The following UNC79 variants were observed in gnomAD, a reference collection of about 807,000 sequenced individuals.
UNC79 encodes unc-79 subunit of NALCN channel complex, also known as protein unc-79 homolog.
UNC79 carries 37 observed loss-of-function variants against 283.1 expected under a neutral mutation model. That is an observed-to-expected ratio of 0.13 (90% CI 0.10 to 0.17). The LOEUF is 0.17. Ranked by LOEUF, UNC79 falls within the 10% of genes least tolerant of loss-of-function variation. The probability of loss-of-function intolerance (pLI) is 1.00; values close to 1 mark genes in which losing one functional copy is unlikely to be tolerated. For synonymous variants in UNC79, 1,107 were observed against 1,200.2 expected, an observed-to-expected ratio of 0.92 and a Z score of 1.61; for missense variants, 2,272 against 3,211.1, an observed-to-expected ratio of 0.71 and a Z score of 7.07.
At chr14:93,505,599 C>G (rs74545561) in intron 7 of UNC79, among the ~76,000 whole-genome samples, 7 of 151,984 alleles carry the variant, frequency 4.6e-5, no homozygotes, top group Admixed American at 2.6e-4. Context: ...TCAATACTTA[C>G]GATTTTTACC....
At chr14:93,705,024 C>T (rs1306100905) in intron 48 of UNC79, among the ~76,000 whole-genome samples, 3 of 152,042 alleles carry the variant, frequency 2.0e-5, no homozygotes, top group Admixed American at 6.5e-5. Flanking sequence ...TGCTTGAGGC[C>T]AGAAGTTGGA....
chr14:93,486,220 G>C (rs1206418941), intron 4 of UNC79, among the ~76,000 whole-genome samples: 2 of 152,140 alleles, frequency 1.3e-5, no homozygotes, highest in Non-Finnish European at 2.9e-5. Flanking sequence ...TTGACACTCT[G>C]CCACACAAGC....
chr14:93,359,577 A>G (rs1209807178), intron 1 of UNC79, among the ~76,000 whole-genome samples: 2 of 152,226 alleles, frequency 1.3e-5, no homozygotes, highest in African/African-American at 2.4e-5. Context: ...AGGCAAAGCA[A>G]CAATTAGAAT....
intron 46 of UNC79, among the ~76,000 whole-genome samples, chr14:93,694,121 G>A (rs1469686519): frequency 6.6e-6 from 1 of 152,184 alleles, no homozygotes; most frequent in Non-Finnish European, 1.5e-5. Flanking sequence ...AATGAGGGAG[G>A]CATGACAATT....
chr14:93,432,314 T>C (rs1432590801), intron 1 of UNC79, among the ~76,000 whole-genome samples: 1 of 152,254 alleles, frequency 6.6e-6, no homozygotes, highest in Non-Finnish European at 1.5e-5. Flanking sequence ...TACTTCTTTA[T>C]GTTTTTTTGG....
intron 46 of UNC79, 92 bp downstream of exon 49, chr14:93,692,038 A>T: frequency 7.0e-7 from 1 of 1,427,116 alleles, no homozygotes. Context: ...CACAGATCTC[A>T]GTTGTAAGGT....
chr14:93,473,773 C>T (rs2057650250), intron 2 of UNC79, among the ~76,000 whole-genome samples: 1 of 152,164 alleles, frequency 6.6e-6, no homozygotes. Context: ...CCCAGGAAAC[C>T]TCTCCTTCAC....
At chr14:93,347,658 GT>G (rs944994090) in intron 1 of UNC79, among the ~76,000 whole-genome samples, 5 of 152,208 alleles carry the variant, frequency 3.3e-5, no homozygotes, top group Admixed American at 6.5e-5. Flanking sequence ...GGCCTCCTTC[GT>G]TGTTACCCTT....
intron 1 of UNC79, among the ~76,000 whole-genome samples, chr14:93,344,133 A>C (rs1019525291): frequency 1.3e-5 from 2 of 152,234 alleles, no homozygotes; most frequent in African/African-American, 4.8e-5. Flanking sequence ...TAAAATGCTT[A>C]AATCTCACTT....
intron 1 of UNC79, among the ~76,000 whole-genome samples, chr14:93,424,249 C>T (rs2055674479): frequency 1.3e-5 from 2 of 152,070 alleles, no homozygotes. Context: ...AAAGGGAACC[C>T]TCATACACTC....
intron 2 of UNC79, among the ~76,000 whole-genome samples, chr14:93,469,633 C>CAT (rs2057398186): frequency 2.0e-5 from 3 of 152,048 alleles, no homozygotes; most frequent in Admixed American, 2.0e-4. Context: ...ATAATGTTAG[C>CAT]AACCAGAAGT....
At chr14:93,385,570 G>C (rs2054754042) in intron 1 of UNC79, among the ~76,000 whole-genome samples, 1 of 152,106 alleles carries the variant, frequency 6.6e-6, no homozygotes, top group Non-Finnish European at 1.5e-5. Flanking sequence ...CTTGAGGCCA[G>C]GCATTCGAGA....
At chr14:93,601,259 C>T (rs1256739330) in intron 25 of UNC79, among the ~76,000 whole-genome samples, 1 of 147,108 alleles carries the variant, frequency 6.8e-6, no homozygotes, top group East Asian at 2.2e-4. Context: ...CCCCTTCCAC[C>T]CTTCCCCCCA....
intron 35 of UNC79, among the ~76,000 whole-genome samples, chr14:93,650,551 T>C (rs2070137501): frequency 6.6e-6 from 1 of 152,192 alleles, no homozygotes; most frequent in Non-Finnish European, 1.5e-5. Flanking sequence ...CATTTCTCTA[T>C]GACATTTTTT....
chr14:93,640,180 C>T (rs538015672), intron 32 of UNC79, among the ~76,000 whole-genome samples: 1 of 152,126 alleles, frequency 6.6e-6, no homozygotes, highest in Non-Finnish European at 1.5e-5. Flanking sequence ...TTTACTCATC[C>T]CTGGACCATG....
intron 30 of UNC79, 22 bp from the exon 33 acceptor site, chr14:93,630,766 GTGTCCTGAGTTTT>G: frequency 1.3e-6 from 2 of 1,572,594 alleles, no homozygotes; most frequent in Non-Finnish European, 1.7e-6. Flanking sequence ...CTTTTAATCA[GTGTCCTGAGTTTT>G]AAATAATATT....
intron 12 of UNC79, among the ~76,000 whole-genome samples, chr14:93,539,324 C>T (rs2061258882): frequency 6.7e-6 from 1 of 149,906 alleles, no homozygotes; most frequent in African/African-American, 2.4e-5. Flanking sequence ...ATTTCGAGAC[C>T]AGCCTGACCA....
intron 7 of UNC79, among the ~76,000 whole-genome samples, chr14:93,519,275 C>A (rs1436972493): frequency 2.0e-5 from 3 of 151,778 alleles, no homozygotes; most frequent in Non-Finnish European, 3.0e-5. Flanking sequence ...GTTCTGAAAT[C>A]TATTTCTCTG....
At chr14:93,470,304 A>G (rs1336798522) in intron 2 of UNC79, among the ~76,000 whole-genome samples, 1 of 152,302 alleles carries the variant, frequency 6.6e-6, no homozygotes, top group South Asian at 2.1e-4. Context: ...AGAGTTTCGT[A>G]CCTATTTCAA....
Sources: gnomAD v4.1 joint callset for allele counts (sites outside exome capture counted in the v4.1 genomes callset) on GRCh38, gnomAD v4.1.1 for gene constraint, MANE v1.5 for transcripts, NCBI Gene and HGNC (gene_info 2026-07-23, HGNC 2026-07-21) for gene names.